Variants in LAMA5 observed in about 807,000 individuals in gnomAD.
LAMA5 encodes the protein laminin subunit alpha-5.
A neutral mutation model predicts 433.4 loss-of-function variants in LAMA5; 260 were observed. The ratio of observed to expected loss-of-function variants is 0.60; its 90% CI spans 0.54 to 0.66. LAMA5 has a LOEUF of 0.66. Ranked by LOEUF, LAMA5 falls within the 30% of genes least tolerant of loss-of-function variation. The pLI, the probability that LAMA5 is intolerant of heterozygous loss-of-function variation, is 0.00. For missense variants in LAMA5, 5,378 were observed against 5,258.5 expected, an observed-to-expected ratio of 1.02 and a Z score of -0.70; for synonymous variants, 2,620 against 2,226.6, an observed-to-expected ratio of 1.18 and a Z score of -4.97.
intron 1 of LAMA5, among the ~76,000 whole-genome samples, chr20:62,363,888 A>G (rs1986432825): frequency 6.6e-6 from 1 of 151,946 alleles, no homozygotes; most frequent in Non-Finnish European, 1.5e-5. Context: ...ACAGGCTCCC[A>G]AGACCCCGCC....
At chr20:62,347,169 G>A (rs1020027747) in intron 6 of LAMA5, 141 bp from the exon 7 acceptor site, 4 of 654,920 alleles carry the variant, frequency 6.1e-6, no homozygotes, top group Non-Finnish European at 1.1e-5. Flanking sequence ...TGTTTCTCCA[G>A]CTGTCCGGCA....
chr20:62,315,210 G>A lies in LAMA5; in HGVS notation c.7868-3C>T. ...TGCGATCTTCTTGCTTGTCTCGTCT[G>A]TGGTGGGCAGAGGGCAGGCTCAGCA... is the stretch of plus-strand genomic sequence containing the variant. On this transcript the variant is annotated splice_region_variant and splice_polypyrimidine_tract_variant and intron_variant, in intron 58 of 79. Coordinates refer to ENST00000252999, the MANE Select transcript of LAMA5 (RefSeq NM_005560.6). The A allele has an allele frequency of 6.2e-7, 1 of 1,601,144 alleles. No homozygotes were observed. The highest frequency in any genetic ancestry group is 1.1e-5 in the South Asian group (1 of 89,866).
intron 32 of LAMA5, 52 bp downstream of exon 32, chr20:62,329,725 T>C (rs1979993124): frequency 6.2e-7 from 1 of 1,601,234 alleles, no homozygotes; most frequent in African/African-American, 1.3e-5. Context: ...ACAGTGGTAA[T>C]GACAAGTATA....
chr20:62,357,525 C>A (rs1054288641), intron 2 of LAMA5, among the ~76,000 whole-genome samples: 1 of 152,188 alleles, frequency 6.6e-6, no homozygotes, highest in African/African-American at 2.4e-5. Flanking sequence ...GGGAGCATCT[C>A]CACTGGCCCC....
In LAMA5 at chr20:62,320,607, C is replaced by T; in HGVS notation, c.6711G>A (p.Glu2237=). The change falls in exon 50 of 80, where the codon GAG becomes GAA. Residue 2237 remains glutamate (E), a synonymous_variant. Transcript: ENST00000252999. ...HETAQQLEVL[E]QQSTSLGQDA... is the part of the protein sequence containing the mutation. ...CCTGCCCGAGGCTTGTGCTCTGCTG[C>T]TCCAGCACCTCCAGCTGCTGTGCCG... 1 of 1,607,662 alleles carries T rather than the reference C, an allele frequency of 6.2e-7. No homozygotes were observed. The highest frequency in any genetic ancestry group is 2.2e-5 in the East Asian group (1 of 44,786).
In LAMA5 at chr20:62,330,368, T is replaced by C. The variant is rs906281249; in HGVS notation, c.3979+120A>G. The C allele has an allele frequency of 1.4e-5, 19 of 1,347,730 alleles. No individual in the cohort carries two copies. In the African/African-American group the frequency reaches 2.1e-4, roughly 15 times the overall value. 83.5% of individuals were successfully genotyped at this position (1,347,730 alleles called of 1,614,324 possible). A position where few individuals can be genotyped will look rare whatever the true frequency, so the allele number is the denominator to read the frequency against. ...CAAGGGCAGCTAGTTTGAGAACTGA[T>C]GGCAGGACAGAGTCATGTTGCCTGT... On this transcript the variant is annotated intron_variant, in intron 31 of 79. Coordinates refer to ENST00000252999, the MANE Select transcript of LAMA5 (RefSeq NM_005560.6).
rs758070332 is a variant in LAMA5, at chr20:62,327,274, C to A, written c.5071G>T (p.Glu1691Ter). The change falls in exon 38 of 80, where the codon GAG becomes TAG. Residue 1691 changes from glutamate to a stop codon, truncating the protein, a stop_gained. Transcript: ENST00000252999. LOFTEE classifies it high-confidence loss of function. The stretch of plus-strand genomic sequence containing the variant: ...GAGGGTGGGGCCTGCCAGTACAGCT[C>A]GGGGAAAGCCTCGGGCACAGCCTCA... ...VPEAVPEAFP[E>*]LYWQAPPSYL... The A allele has an allele frequency of 1.1e-5, 17 of 1,562,088 alleles. No individual in the cohort carries two copies. Among genetic ancestry groups the A allele is most frequent in the Non-Finnish European group, 1.5e-5 (17 of 1,153,912 alleles).
At chr20:62,311,335 G>A (rs780618429) in intron 72 of LAMA5, 28 bp from the exon 73 acceptor site, 3 of 1,531,492 alleles carry the variant, frequency 2.0e-6, no homozygotes, top group East Asian at 2.3e-5. Context: ...GAATGCAGGG[G>A]CCGCCCACAC....
intron 6 of LAMA5, among the ~76,000 whole-genome samples, chr20:62,349,480 C>A (rs1568970304): frequency 6.6e-6 from 1 of 151,014 alleles, no homozygotes; most frequent in South Asian, 2.1e-4. Flanking sequence ...AATCATTTCT[C>A]CAAAGTGCTG....
intron 41 of LAMA5, chr20:62,325,008 G>A (rs1979000513): frequency 2.3e-6 from 1 of 443,384 alleles, no homozygotes; most frequent in African/African-American, 2.0e-5. Flanking sequence ...CGCCAGGATG[G>A]TCGGTGGGGG....
At chr20:62,354,344 TCC>T (rs1984835566) in intron 2 of LAMA5, among the ~76,000 whole-genome samples, 8 of 42,144 alleles carry the variant, frequency 1.9e-4, no homozygotes, top group Non-Finnish European at 9.9e-5. Flanking sequence ...CCTCCCTCCC[TCC>T]CTCCCTCCCT....
rs760569186 is a variant in LAMA5 at position 62,317,347 on chromosome 20, G to A, written c.7509C>T (p.Ser2503=). The A allele has an allele frequency of 1.1e-5, 18 of 1,606,366 alleles. No individual in the cohort carries two copies. Among genetic ancestry groups the A allele is most frequent in the African/African-American group, 1.3e-5 (1 of 74,824 alleles). ...CCCCTCCTCTCCTGGCCACCCACCT[G>A]GACAGATTGAGTGCCAGCTGGCCCA... ...QQLGQLALNL[S]SIILDVNQDR... is the part of the protein sequence containing the mutation. The change falls in exon 55 of 80, where the codon TCC becomes TCT. Residue 2503 remains serine (S), a splice_region_variant and synonymous_variant. Transcript: ENST00000252999.
chr20:62,327,134 G>T, intron 38 of LAMA5, 99 bp downstream of exon 38: 2 of 1,265,526 alleles, frequency 1.6e-6, no homozygotes, highest in Non-Finnish European at 2.1e-6. Flanking sequence ...CCCCCATGGA[G>T]CTCCCCCTCC....
rs528889435 is a variant in LAMA5 at position 62,310,895 on chromosome 20, C to G, written c.10281+7G>C. The G allele has an allele frequency of 6.2e-7, 1 of 1,609,536 alleles. No individual in the cohort carries two copies. The highest frequency in any genetic ancestry group is 1.7e-5 in the Admixed American group (1 of 59,754). On this transcript the variant is annotated splice_region_variant and intron_variant, in intron 74 of 79. Transcript: ENST00000252999. Reference sequence around the variant, plus strand: ...TGCCCACCACCTTCCTTCTTCTCGGCCCTCACCTTGTGCCAGCGGCCAGGC... The same window carrying G: ...TGCCCACCACCTTCCTTCTTCTCGGGCCTCACCTTGTGCCAGCGGCCAGGC...
intron 48 of LAMA5, 40 bp downstream of exon 48, chr20:62,321,979 A>C: frequency 6.3e-7 from 1 of 1,580,958 alleles, no homozygotes; most frequent in South Asian, 1.1e-5. Context: ...TTGGATTCCT[A>C]CTCCATCAGG....
intron 32 of LAMA5, 60 bp from the exon 33 acceptor site, chr20:62,329,313 C>T (rs1979906897): frequency 7.6e-7 from 1 of 1,311,242 alleles, no homozygotes; most frequent in East Asian, 2.3e-5. Context: ...GGGAGGCCCC[C>T]AGAGGCTGGC....
At position 62,335,336 on chromosome 20, in the gene LAMA5, G is replaced by A. The variant is rs1981377252; in HGVS notation, c.2324-67C>T. 2.6e-6 allele frequency: 4 copies of A among 1,545,316 alleles called. No individual in the cohort carries two copies. In the Admixed American group the frequency reaches 6.9e-5, roughly 27 times the overall value. Reference sequence around the variant, plus strand: ...GAGAGCCTGGCTCCAGCCCCCCGAGGAACCCCCACACCCTAACACCCCCTC... The same window carrying A: ...GAGAGCCTGGCTCCAGCCCCCCGAGAAACCCCCACACCCTAACACCCCCTC... On this transcript the variant is annotated intron_variant, in intron 18 of 79. Transcript: ENST00000252999.
intron 2 of LAMA5, chr20:62,353,463 C>T (rs1384415386): frequency 2.0e-6 from 1 of 496,886 alleles, no homozygotes; most frequent in East Asian, 3.6e-5. Context: ...GGGAACCAGC[C>T]CTCCTGGAAG....
chr20:62,332,407 C>T lies in LAMA5; in HGVS notation c.3517G>A (p.Val1173Met), dbSNP rs780809601. The change falls in exon 28 of 80, where the codon GTG becomes ATG. Residue 1173 changes from valine to methionine, a missense_variant. Transcript: ENST00000252999. The part of the protein sequence containing the change: ...AVFHLDSEAS[V>M]RLTAEQARFF... ...CGTGCCTGTTCGGCTGTGAGCCTCACGCTGGCCTCCGAGTCCAGGTGGAAG... is the reference window on the plus strand; with the variant it reads ...CGTGCCTGTTCGGCTGTGAGCCTCATGCTGGCCTCCGAGTCCAGGTGGAAG... 63 of 1,612,790 alleles carry T rather than the reference C, an allele frequency of 3.9e-5. No individual in the cohort carries two copies. Among genetic ancestry groups the T allele is most frequent in the East Asian group, 3.1e-4 (14 of 44,872 alleles).
Sources: allele counts gnomAD v4.1 joint callset (sites outside exome capture counted in the v4.1 genomes callset), GRCh38; gene constraint gnomAD v4.1.1; transcripts MANE v1.5; gene names NCBI Gene and HGNC (gene_info 2026-07-23, HGNC 2026-07-21).